Variants in NPAS3 observed in about 807,000 individuals in gnomAD.
NPAS3 encodes the protein neuronal PAS domain protein 3.
In NPAS3, 14 loss-of-function variants were observed where a neutral mutation model predicts 73.1. The ratio of observed to expected loss-of-function variants is 0.19; its 90% CI spans 0.13 to 0.30. NPAS3 has a LOEUF of 0.30. NPAS3 is among the 10% of genes least tolerant of loss of function. NPAS3 has a pLI of 1.00. For missense variants in NPAS3, 1,096 were observed against 1,250.0 expected, an observed-to-expected ratio of 0.88 and a Z score of 1.86; for synonymous variants, 620 against 541.5, an observed-to-expected ratio of 1.14 and a Z score of -2.01.
chr14:33,450,734 A>G (rs115833396), intron 4 of NPAS3, among the ~76,000 whole-genome samples: 1 of 152,186 alleles, frequency 6.6e-6, no homozygotes, highest in African/African-American at 2.4e-5. Context: ...AGAAGTTTTC[A>G]ATACATATTT....
intron 3 of NPAS3, among the ~76,000 whole-genome samples, chr14:33,223,337 A>G (rs2047503135): frequency 6.6e-6 from 1 of 152,148 alleles, no homozygotes; most frequent in South Asian, 2.1e-4. Flanking sequence ...CTGTAGTCTC[A>G]AGAAAACCAT....
At chr14:32,949,580 T>G (rs1433714826) in intron 1 of NPAS3, among the ~76,000 whole-genome samples, 1 of 151,988 alleles carries the variant, frequency 6.6e-6, no homozygotes, top group East Asian at 1.9e-4. Flanking sequence ...AAGAATGAAC[T>G]AGATGAAAGT....
At chr14:32,994,626 G>GT (rs1382696309) in intron 1 of NPAS3, among the ~76,000 whole-genome samples, 83 of 121,484 alleles carry the variant, frequency 6.8e-4, no homozygotes, top group African/African-American at 2.7e-3. Context: ...TTGTTTGTTT[G>GT]TTTGTTTTTG....
intron 6 of NPAS3, among the ~76,000 whole-genome samples, chr14:33,696,606 A>G (rs1417491532): frequency 1.3e-5 from 2 of 152,164 alleles, no homozygotes; most frequent in African/African-American, 2.4e-5. Context: ...CTCTAATACC[A>G]TATCCATAGC....
chr14:33,784,953 T>C (rs1435806608), intron 9 of NPAS3, among the ~76,000 whole-genome samples: 1 of 151,054 alleles, frequency 6.6e-6, no homozygotes, highest in Non-Finnish European at 1.5e-5. Context: ...TTTCTCCATG[T>C]TGGTCAGGCT....
At chr14:33,213,700 G>C (rs781180802) in intron 2 of NPAS3, 1 of 152,178 alleles carries the variant, frequency 6.6e-6, no homozygotes, top group Non-Finnish European at 1.5e-5. Context: ...TGAGACTGCT[G>C]TTACTCTGAA....
rs141747615 is a variant in NPAS3, at chr14:33,670,262, C to T, written c.559-5949C>T. On this transcript the variant is annotated intron_variant, in intron 5 of 11. Transcript: ENST00000356141. ...CATATCTGTAAAAAGAGAGCGGATT[C>T]GTGTTCTTATTTGATGACACAGGAA... is the stretch of plus-strand genomic sequence containing the variant. 6.1e-4 allele frequency among the ~76,000 whole-genome samples: 93 copies of T among 152,292 alleles called. 1 individual carries two copies. Among genetic ancestry groups the T allele is most frequent in the African/African-American group, 1.9e-3 (80 of 41,570 alleles).
intron 4 of NPAS3, among the ~76,000 whole-genome samples, chr14:33,411,854 A>G (rs547036326): frequency 4.3e-4 from 65 of 150,802 alleles, no homozygotes; most frequent in African/African-American, 1.5e-3. Flanking sequence ...ATCTACTCCA[A>G]TGATCATTTT....
chr14:33,589,925 G>T (rs1595223338), intron 5 of NPAS3, among the ~76,000 whole-genome samples: 1 of 152,282 alleles, frequency 6.6e-6, no homozygotes, highest in East Asian at 1.9e-4. Context: ...CATTAGAGAA[G>T]AAGAAATTCT....
At chr14:33,353,762 G>C (rs2045193646) in intron 3 of NPAS3, among the ~76,000 whole-genome samples, 1 of 152,206 alleles carries the variant, frequency 6.6e-6, no homozygotes, top group Non-Finnish European at 1.5e-5. Context: ...AGGTGAGACA[G>C]CTCTGATGTA....
At chr14:33,449,166 C>A (rs1033059761) in intron 4 of NPAS3, among the ~76,000 whole-genome samples, 2 of 152,096 alleles carry the variant, frequency 1.3e-5, no homozygotes. Context: ...ACAGAGTGCA[C>A]ATTCACCCGA....
At chr14:33,707,099 A>G (rs531608930) in intron 6 of NPAS3, among the ~76,000 whole-genome samples, 37 of 152,208 alleles carry the variant, frequency 2.4e-4, no homozygotes, top group Non-Finnish European at 4.1e-4. Context: ...GGTAAAGTCT[A>G]GCAGATTGTG....
At chr14:33,155,994 T>C (rs1180425410) in intron 2 of NPAS3, among the ~76,000 whole-genome samples, 1 of 152,058 alleles carries the variant, frequency 6.6e-6, no homozygotes, top group African/African-American at 2.4e-5. Flanking sequence ...TTGGCAAAGA[T>C]AGATCACCAC....
intron 1 of NPAS3, among the ~76,000 whole-genome samples, chr14:33,054,336 G>A (rs899584714): frequency 6.6e-6 from 1 of 152,080 alleles, no homozygotes; most frequent in Non-Finnish European, 1.5e-5. Flanking sequence ...ACTTAAACAA[G>A]GGGTAAATGG....
chr14:33,315,474 A>T (rs2043171995), intron 3 of NPAS3, among the ~76,000 whole-genome samples: 1 of 149,922 alleles, frequency 6.7e-6, no homozygotes, highest in Admixed American at 6.7e-5. Context: ...GCGCCAAGGG[A>T]GGACGTTTTG....
chr14:33,704,443 T>G (rs1251217864), intron 6 of NPAS3, among the ~76,000 whole-genome samples: 1 of 152,234 alleles, frequency 6.6e-6, no homozygotes, highest in Non-Finnish European at 1.5e-5. Flanking sequence ...AGACATTATT[T>G]TACTTCCTTA....
At chr14:33,065,188 T>C (rs2041236143) in intron 2 of NPAS3, among the ~76,000 whole-genome samples, 1 of 152,152 alleles carries the variant, frequency 6.6e-6, no homozygotes, top group African/African-American at 2.4e-5. Context: ...TATCTAGACA[T>C]AGTACACATT....
At position 33,319,660 on chromosome 14, in the gene NPAS3, A is replaced by G. The variant is rs574300048; in HGVS notation, c.386-47526A>G. On this transcript the variant is annotated intron_variant, in intron 3 of 11. Transcript: ENST00000356141. ...ATGGGGTTGGAAAAAAAAATCTGTC[A>G]ATCTAAAGTGTACAGAGTGGAGGAG... Among the ~76,000 whole-genome samples the G allele has an allele frequency of 2.1e-4, 32 of 152,116 alleles. 1 individual carries two copies. The highest frequency in any genetic ancestry group is 2.2e-4 in the Non-Finnish European group (15 of 67,974).
intron 7 of NPAS3, among the ~76,000 whole-genome samples, chr14:33,755,561 T>G (rs1408531422): frequency 6.6e-6 from 1 of 152,158 alleles, no homozygotes; most frequent in Non-Finnish European, 1.5e-5. Flanking sequence ...TCATGGCTGA[T>G]GTGATTAGGC....
Sources: allele counts gnomAD v4.1 joint callset (sites outside exome capture counted in the v4.1 genomes callset), GRCh38; gene constraint gnomAD v4.1.1; transcripts MANE v1.5; gene names NCBI Gene and HGNC (gene_info 2026-07-23, HGNC 2026-07-21).